Variants in ACACA observed in about 807,000 individuals in gnomAD.
ACACA encodes acetyl-CoA carboxylase alpha, also known as acetyl-CoA carboxylase 1.
ACACA carries 103 observed loss-of-function variants against 296.1 expected under a neutral mutation model. The ratio of observed to expected loss-of-function variants is 0.35; its 90% CI spans 0.30 to 0.41. The LOEUF (loss-of-function observed/expected upper bound fraction) is 0.41, where lower values mean the gene tolerates loss of function less well. ACACA is among the 10% of genes least tolerant of loss of function. The probability of loss-of-function intolerance (pLI) is 1.00; values close to 1 mark genes in which losing one functional copy is unlikely to be tolerated. For synonymous variants in ACACA, 953 were observed against 1,038.6 expected (o/e 0.92, Z 1.58); for missense variants, 1,554 against 2,989.7 (o/e 0.52, Z 11.20).
chr17:37,235,551 C>A (rs2080070217), intron 24 of ACACA, among the ~76,000 whole-genome samples: 1 of 152,092 alleles, frequency 6.6e-6, no homozygotes, highest in Non-Finnish European at 1.5e-5. Context: ...TCTTTAAGGT[C>A]TCCCCCAGAG....
intron 3 of ACACA, among the ~76,000 whole-genome samples, chr17:37,307,722 TA>T (rs1184044351): frequency 7.2e-5 from 11 of 152,066 alleles, no homozygotes; most frequent in Middle Eastern, 3.4e-3. Context: ...AAGCAGCTGA[TA>T]CTAAAGGCGT....
intron 1 of ACACA, among the ~76,000 whole-genome samples, chr17:37,359,514 C>T (rs2049316599): frequency 6.6e-6 from 1 of 152,120 alleles, no homozygotes; most frequent in Non-Finnish European, 1.5e-5. Flanking sequence ...GCCAACCCCT[C>T]GGCTCCTCCT....
chr17:37,325,510 A>G (rs1257574500), intron 3 of ACACA, among the ~76,000 whole-genome samples: 3 of 151,792 alleles, frequency 2.0e-5, no homozygotes, highest in African/African-American at 7.3e-5. Flanking sequence ...TCAGTTGTCT[A>G]CAATGAGGTC....
At chr17:37,116,975 G>A (rs1433587045) in intron 50 of ACACA, among the ~76,000 whole-genome samples, 6 of 152,210 alleles carry the variant, frequency 3.9e-5, no homozygotes, top group African/African-American at 1.4e-4. Flanking sequence ...CTGGAGAGGC[G>A]GGAGCTTGGA....
intron 35 of ACACA, among the ~76,000 whole-genome samples, chr17:37,199,224 A>C (rs2078138296): frequency 6.6e-6 from 1 of 151,638 alleles, no homozygotes; most frequent in African/African-American, 2.4e-5. Context: ...TGGGCGACTA[A>C]GCAAGACACT....
chr17:37,197,101 G>C (rs147518633), intron 35 of ACACA, among the ~76,000 whole-genome samples: 6 of 152,274 alleles, frequency 3.9e-5, no homozygotes, highest in African/African-American at 1.4e-4. Context: ...CAGTGTCAAC[G>C]GACTAGGGTG....
At chr17:37,301,016 T>C (rs1041843585) in intron 3 of ACACA, among the ~76,000 whole-genome samples, 1 of 152,120 alleles carries the variant, frequency 6.6e-6, no homozygotes, top group African/African-American at 2.4e-5. Flanking sequence ...CACTTAAGTG[T>C]CTACAAAACA....
intron 39 of ACACA, among the ~76,000 whole-genome samples, chr17:37,187,532 A>T (rs1320357498): frequency 6.6e-6 from 1 of 152,252 alleles, no homozygotes; most frequent in Admixed American, 6.5e-5. Flanking sequence ...TCAGTATCAT[A>T]GTAAAGAGCC....
chr17:37,241,696 G>C (rs1444324698), intron 23 of ACACA, among the ~76,000 whole-genome samples: 1 of 152,088 alleles, frequency 6.6e-6, no homozygotes, highest in Non-Finnish European at 1.5e-5. Flanking sequence ...AACAGAGTGA[G>C]ATCCTGTCTC....
intron 4 of ACACA, 94 bp from the exon 5 acceptor site, chr17:37,283,499 T>C: frequency 6.9e-7 from 1 of 1,455,126 alleles, no homozygotes; most frequent in Non-Finnish European, 9.4e-7. Flanking sequence ...TATCTATCTT[T>C]CTGTGTAAAA....
At chr17:37,190,938 A>C (rs1363737088) in intron 38 of ACACA, among the ~76,000 whole-genome samples, 182 bp downstream of exon 38, 1 of 152,234 alleles carries the variant, frequency 6.6e-6, no homozygotes, top group Non-Finnish European at 1.5e-5. Context: ...TTCAATGGCT[A>C]TATCAAATTT....
intron 3 of ACACA, chr17:37,329,076 ACT>A: frequency 2.5e-6 from 1 of 397,328 alleles, no homozygotes; most frequent in Non-Finnish European, 4.4e-6. Context: ...GTTACTATGT[ACT>A]GACATTCTCA....
At chr17:37,115,151 G>A (rs2074182429) in intron 50 of ACACA, among the ~76,000 whole-genome samples, 1 of 151,494 alleles carries the variant, frequency 6.6e-6, no homozygotes, top group South Asian at 2.1e-4. Context: ...TTATTCCTTT[G>A]GGAGAAAAGC....
At chr17:37,259,263 A>G in intron 12 of ACACA, 97 bp downstream of exon 12, 1 of 1,353,096 alleles carries the variant, frequency 7.4e-7, no homozygotes, top group Non-Finnish European at 1.1e-6. Flanking sequence ...TGTGACTCAG[A>G]TAGGAGGTGC....
Position 37,277,044 on chromosome 17 carries a change from A to G in ACACA, c.791T>C (p.Ile264Thr), listed in dbSNP as rs947341491. 2 of 1,613,896 alleles carry G rather than the reference A, an allele frequency of 1.2e-6. No individual in the cohort carries two copies. Among genetic ancestry groups the G allele is most frequent in the African/African-American group, 1.3e-5 (1 of 74,930 alleles). Reference protein sequence around the residue: ...KLPELLLKNGIAFMGPPSQAM... With the variant: ...KLPELLLKNGTAFMGPPSQAM... ...TCAGAACAGCTTACCCATGAAGGCAATGCCATTTTTCAAGAGAAGTTCCGG... is the reference window on the plus strand; with the variant it reads ...TCAGAACAGCTTACCCATGAAGGCAGTGCCATTTTTCAAGAGAAGTTCCGG... The change falls in exon 7 of 56, where the codon ATT (isoleucine) becomes ACT (threonine). Residue 264 changes from isoleucine to threonine, a missense_variant. Around this residue, in one of 16 missense-constraint regions of ACACA, gnomAD observed 29 missense variants for 90.3 expected, o/e 0.32. Coordinates refer to ENST00000616317, the MANE Select transcript of ACACA (RefSeq NM_198834.3).
rs1047125681 is a variant in ACACA, at chr17:37,086,407, T to G, written c.*909A>C. 2 of 152,258 alleles carry G rather than the reference T, an allele frequency of 1.3e-5. No individual in the cohort carries two copies. The highest frequency in any genetic ancestry group is 4.8e-5 in the African/African-American group (2 of 41,450). The allele number at this position is 152,258 out of a possible 1,614,324, so 9.4% of individuals were successfully genotyped here. A position where few individuals can be genotyped will look rare whatever the true frequency, so the allele number is the denominator to read the frequency against. On this transcript the variant is annotated 3_prime_UTR_variant, in exon 56 of 56. Transcript: ENST00000616317. ...GACTATCTATCTATCTCACTGGCTCTCCACATGGCATAAATAACTAGTTTC... is the reference window on the plus strand; with the variant it reads ...GACTATCTATCTATCTCACTGGCTCGCCACATGGCATAAATAACTAGTTTC...
At chr17:37,203,102 C>T (rs1022009957) in intron 33 of ACACA, among the ~76,000 whole-genome samples, 4 of 151,920 alleles carry the variant, frequency 2.6e-5, no homozygotes, top group Non-Finnish European at 5.9e-5. Flanking sequence ...GCTGGCGCTA[C>T]AGGCGCCCGC....
intron 25 of ACACA, among the ~76,000 whole-genome samples, chr17:37,227,639 C>CT (rs1389890153): frequency 1.3e-5 from 2 of 152,094 alleles, no homozygotes; most frequent in Non-Finnish European, 2.9e-5. Context: ...GAGGCCGAGG[C>CT]GTGCGGATCA....
rs1273293503 is a variant in ACACA, at chr17:37,231,451, C to T, written c.3246+3524G>A. Among the ~76,000 whole-genome samples, 5 of 152,182 alleles carry T rather than the reference C, an allele frequency of 3.3e-5. No individual in the cohort carries two copies. The East Asian group carries it at 9.6e-4, about 29-fold the overall frequency. Reference sequence around the variant, plus strand: ...CACTTTTTGATATCCCAAAAAATGTCATAGGGTAAGTTTAACAATTGTTAA... The same window carrying T: ...CACTTTTTGATATCCCAAAAAATGTTATAGGGTAAGTTTAACAATTGTTAA... On this transcript the variant is annotated intron_variant, in intron 25 of 55. Coordinates refer to ENST00000616317, the MANE Select transcript of ACACA (RefSeq NM_198834.3).
Sources: gnomAD v4.1 joint callset for allele counts (sites outside exome capture counted in the v4.1 genomes callset) on GRCh38, gnomAD v4.1.1 for gene constraint, gnomAD v4.1.1 regional missense constraint, MANE v1.5 for transcripts, NCBI Gene and HGNC (gene_info 2026-07-23, HGNC 2026-07-21) for gene names.